ABHD12: variants seen among roughly 807,000 people sequenced by gnomAD.
ABHD12 encodes lysophosphatidylserine lipase ABHD12.
Under a neutral mutation model 58.3 loss-of-function variants are expected in ABHD12, and 43 were observed. The ratio of observed to expected loss-of-function variants is 0.74; its 90% CI spans 0.58 to 0.95. The LOEUF is 0.95. ABHD12 is among the 40% of genes least tolerant of loss of function. The pLI is 0.00. For missense variants in ABHD12, 539 were observed against 537.2 expected (o/e 1.00, Z -0.03); for synonymous variants, 219 against 211.2 (o/e 1.04, Z -0.32).
At chr20:25,338,121 A>G (rs1568740762) in intron 2 of ABHD12, among the ~76,000 whole-genome samples, 1 of 152,028 alleles carries the variant, frequency 6.6e-6, no homozygotes, top group African/African-American at 2.4e-5. Context: ...GATTAAGTCT[A>G]TTATAGACTG....
chr20:25,361,884 G>A (rs149935675), intron 1 of ABHD12, among the ~76,000 whole-genome samples: 1,653 of 152,144 alleles, frequency 0.011, 29 homozygotes, highest in African/African-American at 0.038. Flanking sequence ...GAACCCAGGA[G>A]GCGGAGCTTG....
At chr20:25,312,823 C>T (rs1295333094) in intron 6 of ABHD12, among the ~76,000 whole-genome samples, 2 of 151,770 alleles carry the variant, frequency 1.3e-5, no homozygotes, top group African/African-American at 2.4e-5. Context: ...CGCCTCTGCC[C>T]GGCCGCGACC....
intron 6 of ABHD12, among the ~76,000 whole-genome samples, chr20:25,310,927 C>T (rs1483686949): frequency 2.0e-5 from 3 of 152,118 alleles, no homozygotes; most frequent in African/African-American, 7.2e-5. Flanking sequence ...GACAGAAGTG[C>T]GGGGAGATGA....
chr20:25,315,343 GGAGGGCTACACTGT>G (rs2088940910), intron 5 of ABHD12, among the ~76,000 whole-genome samples: 1 of 152,198 alleles, frequency 6.6e-6, no homozygotes, highest in African/African-American at 2.4e-5. Context: ...ACCCCCAGGA[GGAGGGCTACACTGT>G]GCAGAGACCC....
At chr20:25,378,122 G>A (rs1032831078) in intron 1 of ABHD12, among the ~76,000 whole-genome samples, 1 of 152,230 alleles carries the variant, frequency 6.6e-6, no homozygotes, top group Admixed American at 6.5e-5. Flanking sequence ...ATACCCTGAA[G>A]ATAAATCAGT....
chr20:25,339,396 A>G, intron 1 of ABHD12, 45 bp from the exon 2 acceptor site: 1 of 1,613,576 alleles, frequency 6.2e-7, no homozygotes, highest in Non-Finnish European at 8.5e-7. Flanking sequence ...AGTAGGTGCC[A>G]TTTTGCTGTA....
chr20:25,315,120 T>C lies in ABHD12; in HGVS notation c.574-150A>G, dbSNP rs577575061. 1.8e-4 allele frequency: 156 copies of C among 852,990 alleles called. No individual in the cohort carries two copies. In the South Asian group the frequency reaches 2.1e-3, roughly 11 times the overall value. 52.8% of individuals were successfully genotyped at this position (852,990 alleles called of 1,614,324 possible). Reference sequence around the variant, plus strand: ...AGACTGTGACATGCTGCCTGACTCCTGGCTGGGTTTTATGAAACCAAGATG... The same window carrying C: ...AGACTGTGACATGCTGCCTGACTCCCGGCTGGGTTTTATGAAACCAAGATG... On this transcript the variant is annotated intron_variant, in intron 5 of 12. Transcript: ENST00000339157.
chr20:25,296,103 C>T (rs550334872), downstream of ABHD12, among the ~76,000 whole-genome samples: 73 of 152,122 alleles, frequency 4.8e-4, no homozygotes, highest in Non-Finnish European at 1.0e-3. Context: ...TCCCTATCGT[C>T]GTCCTGGGGG....
In ABHD12 at chr20:25,304,675, CT is replaced by C. The variant is rs1331724296; in HGVS notation, c.951-1048del. Among the ~76,000 whole-genome samples, 3 of 152,164 alleles carry C rather than the reference CT, an allele frequency of 2.0e-5. No homozygotes were observed. The East Asian group carries it at 5.8e-4, about 29-fold the overall frequency. On this transcript the variant is annotated intron_variant, in intron 10 of 12. Coordinates refer to ENST00000339157, the MANE Select transcript of ABHD12 (RefSeq NM_001042472.3). The stretch of plus-strand genomic sequence containing the variant: ...CTCTGCCTCCTGGGTTCAAGTGATT[CT>C]CCTGCTTCAGCCTCCCGAGTAGCTG...
At chr20:25,295,060 T>C in intron 12 of ABHD12, 1 of 1,610,344 alleles carries the variant, frequency 6.2e-7, no homozygotes, top group South Asian at 1.1e-5. Flanking sequence ...TTTAAAATTG[T>C]GAACTCTGCA....
rs567546607 is a variant in ABHD12, at chr20:25,390,515, G to A, written c.189C>T (p.Gly63=). 3.4e-6 allele frequency: 4 copies of A among 1,173,418 alleles called. No homozygotes were observed. Among genetic ancestry groups the A allele is most frequent in the Non-Finnish European group, 4.4e-6 (4 of 911,026 alleles). The allele number at this position is 1,173,418 out of a possible 1,614,324, so 72.7% of individuals were successfully genotyped here. A position where few individuals can be genotyped will look rare whatever the true frequency, so the allele number is the denominator to read the frequency against. Residue 63 remains glycine (G), a splice_region_variant and synonymous_variant, in exon 1 of 13, where the codon GGC becomes GGT. Transcript: ENST00000339157. The part of the protein sequence containing the change: ...AADAGMKRAL[G]RRKGVWLRLR... ...CCCCGCTCCGCGCGAAGCCTCACCT[G>A]CCCAGCGCCCGCTTCATTCCCGCGT...
At position 25,319,289 on chromosome 20, in the gene ABHD12, A is replaced by G. The variant is rs552522155; in HGVS notation, c.542+910T>C. Among the ~76,000 whole-genome samples the G allele has an allele frequency of 4.9e-4, 74 of 152,382 alleles. 1 individual carries two copies. Among genetic ancestry groups the G allele is most frequent in the African/African-American group, 1.7e-3 (70 of 41,600 alleles). ...AGCACCCTTTTAAGGCAGGGAGGCC[A>G]ACTCCAGGGCAGCCAGTGGAAAGGA... On this transcript the variant is annotated intron_variant, in intron 4 of 12. Coordinates refer to ENST00000339157, the MANE Select transcript of ABHD12 (RefSeq NM_001042472.3).
intron 1 of ABHD12, among the ~76,000 whole-genome samples, chr20:25,340,842 G>A (rs2089445294): frequency 1.3e-5 from 2 of 152,208 alleles, no homozygotes; most frequent in South Asian, 4.1e-4. Context: ...TGGGGGTGGA[G>A]CAGGAGATTG....
rs1057457143 is a variant in ABHD12 at position 25,300,851 on chromosome 20, C to T, written c.1191G>A (p.Gln397=). 6.2e-7 allele frequency: 1 copy of T among 1,614,008 alleles called. No individual in the cohort carries two copies. The highest frequency in any genetic ancestry group is 8.5e-7 in the Non-Finnish European group (1 of 1,180,014). Residue 397 remains glutamine (Q), a synonymous_variant, in exon 13 of 13, where the codon CAG becomes CAA. Transcript: ENST00000339157. ...EFLGKSEPEH[Q]H ...TTCCTTCCCACGGCCAGGCTCAGTG[C>T]TGGTGCTCAGGCTCCGACTTCCCCA...
At chr20:25,299,103 A>G (rs1436549274), downstream of ABHD12, among the ~76,000 whole-genome samples, 2 of 152,188 alleles carry the variant, frequency 1.3e-5, no homozygotes, top group Non-Finnish European at 2.9e-5. Flanking sequence ...AGTTTTGTAA[A>G]AAAGACACTA....
At chr20:25,359,423 CAAAAAAA>C (rs565367954) in intron 1 of ABHD12, among the ~76,000 whole-genome samples, 8 of 63,118 alleles carry the variant, frequency 1.3e-4, no homozygotes, top group African/African-American at 2.9e-4. Flanking sequence ...GACTCCGTCT[CAAAAAAA>C]AAAAAAAAAA....
At chr20:25,322,381 A>ATATATATATATATATATATATATAT in intron 3 of ABHD12, among the ~76,000 whole-genome samples, 4 of 59,268 alleles carry the variant, frequency 6.7e-5, no homozygotes, top group African/African-American at 3.3e-4. Context: ...ATATATATAT[A>ATATATATATATATATATATATATAT]TTTTTTTTTT....
chr20:25,298,291 G>C (rs992413834), downstream of ABHD12, among the ~76,000 whole-genome samples: 2 of 152,064 alleles, frequency 1.3e-5, no homozygotes, highest in African/African-American at 4.8e-5. Flanking sequence ...TTGAGATGGA[G>C]TTTTGCTTTT....
chr20:25,376,500 G>T (rs1158190053), intron 1 of ABHD12, among the ~76,000 whole-genome samples: 2 of 152,164 alleles, frequency 1.3e-5, no homozygotes, highest in African/African-American at 4.8e-5. Flanking sequence ...CTGAACAACT[G>T]GGTATCCTAC....
Sources: gnomAD v4.1 joint callset for allele counts (sites outside exome capture counted in the v4.1 genomes callset) on GRCh38, gnomAD v4.1.1 for gene constraint, MANE v1.5 for transcripts, NCBI Gene and HGNC (gene_info 2026-07-23, HGNC 2026-07-21) for gene names.